Variants in DDX42 observed in about 807,000 individuals in gnomAD.
DDX42 encodes ATP-dependent RNA helicase DDX42.
A neutral mutation model predicts 101.5 loss-of-function variants in DDX42; 22 were observed. The ratio of observed to expected loss-of-function variants is 0.22; its 90% CI spans 0.15 to 0.31. The LOEUF is 0.31. Ranked by LOEUF, DDX42 falls within the 10% of genes least tolerant of loss-of-function variation. The pLI is 1.00. For missense variants in DDX42, 849 were observed against 1,199.9 expected (o/e 0.71, Z 4.32); for synonymous variants, 402 against 401.2 (o/e 1.00, Z -0.02).
chr17:63,810,608 A>C (rs887531821), intron 12 of DDX42, 48 bp downstream of exon 12: 2 of 1,562,858 alleles, frequency 1.3e-6, no homozygotes, highest in African/African-American at 2.7e-5. Flanking sequence ...TAAAAAGGGC[A>C]CTTATTTATT....
At chr17:63,774,546 G>A (rs1223564072) in intron 1 of DDX42, 170 bp downstream of exon 1, 1 of 167,368 alleles carries the variant, frequency 6.0e-6, no homozygotes, top group Non-Finnish European at 1.3e-5. Flanking sequence ...TGGGGGCTGA[G>A]GCCTCTAGGG....
Position 63,792,320 on chromosome 17 carries a change from T to G in DDX42, c.222-92T>G. 8.0e-6 allele frequency: 11 copies of G among 1,371,320 alleles called. No homozygotes were observed. The South Asian group carries it at 1.6e-4, about 20-fold the overall frequency. The allele number at this position is 1,371,320 out of a possible 1,614,324, so 84.9% of individuals were successfully genotyped here. A position where few individuals can be genotyped will look rare whatever the true frequency, so the allele number is the denominator to read the frequency against. On this transcript the variant is annotated intron_variant, in intron 2 of 17. Transcript: ENST00000389924. The stretch of plus-strand genomic sequence containing the variant: ...TGATCTGCATTACATCTCCTAATAA[T>G]AAGATATACCATAATAAAAATGTTG...
chr17:63,792,042 T>A (rs1017609580), intron 2 of DDX42, among the ~76,000 whole-genome samples: 1 of 133,576 alleles, frequency 7.5e-6, no homozygotes, highest in Non-Finnish European at 1.6e-5. Flanking sequence ...GAAAACCCCG[T>A]CTCAAAAAAA....
At chr17:63,813,153 C>T in intron 14 of DDX42, 75 bp from the exon 15 acceptor site, 2 of 1,357,888 alleles carry the variant, frequency 1.5e-6, no homozygotes, top group Non-Finnish European at 1.0e-6. Context: ...GGCTTATTAG[C>T]ACTAGCATTT....
chr17:63,783,275 C>T (rs1235082584), intron 1 of DDX42, among the ~76,000 whole-genome samples: 3 of 152,196 alleles, frequency 2.0e-5, no homozygotes, highest in Non-Finnish European at 4.4e-5. Flanking sequence ...ACCTTCTCAG[C>T]AAGCTTTCAG....
intron 5 of DDX42, 73 bp downstream of exon 5, chr17:63,799,698 G>A: frequency 6.8e-7 from 1 of 1,473,234 alleles, no homozygotes; most frequent in Non-Finnish European, 9.2e-7. Context: ...GCTAGAGCTT[G>A]CCTTCACTCA....
chr17:63,793,643 C>CA (rs1327218569), intron 3 of DDX42, among the ~76,000 whole-genome samples: 2 of 152,108 alleles, frequency 1.3e-5, no homozygotes, highest in African/African-American at 4.8e-5. Context: ...AACACTCTTA[C>CA]AAATTACAAC....
chr17:63,812,610 A>G (rs1021150131), intron 14 of DDX42, among the ~76,000 whole-genome samples: 2 of 152,240 alleles, frequency 1.3e-5, no homozygotes, highest in Non-Finnish European at 2.9e-5. Context: ...AAGTTTTAAT[A>G]ACTACCCTTA....
chr17:63,789,572 T>G (rs1239166157), intron 2 of DDX42, among the ~76,000 whole-genome samples: 2 of 119,000 alleles, frequency 1.7e-5, no homozygotes, highest in East Asian at 2.3e-4. Flanking sequence ...TTTGTTTTTG[T>G]TTTTTTTTTT....
Position 63,817,857 on chromosome 17 carries a change from C to A in DDX42, c.2276C>A (p.Ala759Asp), listed in dbSNP as rs140971074. 3.1e-6 allele frequency: 5 copies of A among 1,614,224 alleles called. No individual in the cohort carries two copies. The African/African-American group carries it at 5.3e-5, about 17-fold the overall frequency. Reference sequence around the variant, plus strand: ...AGTCCTGACAGCCCCGTCACCAGTGCCGCCAAGGGCATCCCAGGCTTTGGC... The same window carrying A: ...AGTCCTGACAGCCCCGTCACCAGTGACGCCAAGGGCATCCCAGGCTTTGGC... ...HNSPDSPVTS[A>D]AKGIPGFGNT... is the part of the protein sequence containing the mutation. Residue 759 changes from alanine to aspartate, a missense_variant, in exon 18 of 18, where the codon GCC (alanine) becomes GAC (aspartate). Coordinates refer to ENST00000389924, the MANE Select transcript of DDX42 (RefSeq NM_203499.3).
intron 1 of DDX42, among the ~76,000 whole-genome samples, chr17:63,782,866 C>T (rs759594525): frequency 6.6e-5 from 10 of 152,112 alleles, no homozygotes; most frequent in African/African-American, 2.4e-4. Flanking sequence ...TTGTATGGTA[C>T]GTCGTTAGCA....
intron 4 of DDX42, 130 bp from the exon 5 acceptor site, chr17:63,799,459 T>G (rs1471802460): frequency 1.1e-6 from 1 of 930,312 alleles, no homozygotes; most frequent in Non-Finnish European, 1.7e-6. Context: ...AGTGTGCTCA[T>G]TGCTGCTTTG....
chr17:63,798,194 A>G, intron 4 of DDX42, 95 bp downstream of exon 4: 1 of 1,139,436 alleles, frequency 8.8e-7, no homozygotes, highest in Non-Finnish European at 1.3e-6. Flanking sequence ...AAAAATATTG[A>G]CGTACACTTG....
intron 1 of DDX42, among the ~76,000 whole-genome samples, chr17:63,782,414 T>G (rs180792591): frequency 6.6e-6 from 1 of 151,468 alleles, no homozygotes; most frequent in East Asian, 1.9e-4. Flanking sequence ...TCTCTGCAGT[T>G]ACTGCCCCTG....
intron 1 of DDX42, among the ~76,000 whole-genome samples, chr17:63,785,748 G>A (rs191301911): frequency 2.0e-5 from 3 of 152,304 alleles, no homozygotes; most frequent in East Asian, 3.8e-4. Flanking sequence ...ACATGTCAGT[G>A]AATCATAGTT....
intron 1 of DDX42, among the ~76,000 whole-genome samples, chr17:63,775,823 C>T (rs1469721124): frequency 1.3e-5 from 2 of 152,172 alleles, no homozygotes; most frequent in Non-Finnish European, 2.9e-5. Flanking sequence ...ATGATAATAT[C>T]TGATTTATAT....
At position 63,778,247 on chromosome 17, in the gene DDX42, TC is replaced by T. The variant is rs1388500087; in HGVS notation, c.-17+3872del. ...TCATTTTATGCTTTACTAAACAGAA[TC>T]ACTTCTCATAGACTATGGAAGATTT... On this transcript the variant is annotated intron_variant, in intron 1 of 17. Transcript: ENST00000389924. 3.9e-5 allele frequency among the ~76,000 whole-genome samples: 6 copies of T among 152,330 alleles called. No individual in the cohort carries two copies. The South Asian group carries it at 1.2e-3, about 32-fold the overall frequency.
chr17:63,800,136 A>T, intron 5 of DDX42: 1 of 238,674 alleles, frequency 4.2e-6, no homozygotes, highest in Non-Finnish European at 8.1e-6. Flanking sequence ...TTAACTTCCA[A>T]ACTTGGATTG....
Position 63,807,841 on chromosome 17 carries a change from G to A in DDX42, c.964G>A (p.Glu322Lys), listed in dbSNP as rs1353361044. 6.2e-7 allele frequency: 1 copy of A among 1,614,008 alleles called. No homozygotes were observed. The highest frequency in any genetic ancestry group is 8.5e-7 in the Non-Finnish European group (1 of 1,180,014). ...LIHIMDQKEL[E>K]PGDGPIAVIV... ...TCATATAATGGACCAGAAGGAGTTGGAACCAGGTGATGGACCAATTGCAGT... is the reference window on the plus strand; with the variant it reads ...TCATATAATGGACCAGAAGGAGTTGAAACCAGGTGATGGACCAATTGCAGT... Residue 322 changes from glutamate to lysine, a missense_variant, in exon 9 of 18, where the codon GAA becomes AAA. Glu to Lys is a moderately conservative substitution (Grantham distance 56). Around this residue, in one of 5 missense-constraint regions of DDX42, gnomAD observed 370 missense variants for 608.8 expected, o/e 0.61. Transcript: ENST00000389924.
Sources: gnomAD v4.1 joint callset for allele counts (sites outside exome capture counted in the v4.1 genomes callset) on GRCh38, gnomAD v4.1.1 for gene constraint, gnomAD v4.1.1 regional missense constraint, MANE v1.5 for transcripts, NCBI Gene and HGNC (gene_info 2026-07-23, HGNC 2026-07-21) for gene names.